Variants in NRTN observed in about 807,000 individuals in gnomAD.
The protein encoded by NRTN is prepro-neurturin.
Under a neutral mutation model 7.5 loss-of-function variants are expected in NRTN, and 3 were observed. The observed-to-expected ratio is 0.40, with a 90% CI of 0.18 to 1.03. NRTN has a LOEUF of 1.03. Among genes scored for constraint, NRTN ranks in the 50% least tolerant of loss-of-function variants. The pLI, the probability that NRTN is intolerant of heterozygous loss-of-function variation, is 0.34. For missense variants in NRTN, 310 were observed against 307.0 expected, an observed-to-expected ratio of 1.01 and a Z score of -0.07; for synonymous variants, 157 against 146.6, an observed-to-expected ratio of 1.07 and a Z score of -0.51.
At chr19:5,814,008 A>C (rs1188954877) in intron 1 of NRTN, among the ~76,000 whole-genome samples, 1 of 152,106 alleles carries the variant, frequency 6.6e-6, no homozygotes, top group Non-Finnish European at 1.5e-5. Flanking sequence ...ACTCCGTCTC[A>C]AAAAATATAT....
At chr19:5,821,284 C>G (rs187149607) in intron 1 of NRTN, among the ~76,000 whole-genome samples, 1 of 151,044 alleles carries the variant, frequency 6.6e-6, no homozygotes, top group Admixed American at 6.6e-5. Context: ...CTGGGCCACC[C>G]AGTGCCTAGC....
intron 2 of NRTN, among the ~76,000 whole-genome samples, chr19:5,826,492 C>A (rs370784002): frequency 6.6e-6 from 1 of 152,182 alleles, no homozygotes; most frequent in African/African-American, 2.4e-5. Flanking sequence ...GTTTCTGAGA[C>A]CCCCTGTGGG....
intron 1 of NRTN, among the ~76,000 whole-genome samples, chr19:5,815,990 C>T (rs1040325049): frequency 2.0e-5 from 3 of 152,148 alleles, no homozygotes; most frequent in African/African-American, 7.2e-5. Flanking sequence ...AGTGATCCAC[C>T]CGCCTTGGCC....
chr19:5,825,156 G>A (rs924423162), intron 2 of NRTN, among the ~76,000 whole-genome samples: 14 of 152,202 alleles, frequency 9.2e-5, no homozygotes, highest in Admixed American at 4.6e-4. Context: ...GAGGAGAGAC[G>A]GGGCTGGGGG....
chr19:5,826,083 C>T (rs542775147), intron 2 of NRTN, among the ~76,000 whole-genome samples: 275 of 151,694 alleles, frequency 1.8e-3, no homozygotes, highest in African/African-American at 6.3e-3. Flanking sequence ...TGCAGTGAGC[C>T]GAGATCGCGC....
chr19:5,816,709 G>T (rs2057006205), intron 1 of NRTN, among the ~76,000 whole-genome samples: 1 of 152,084 alleles, frequency 6.6e-6, no homozygotes. Context: ...CTGAGACAGG[G>T]TCTCCCTATA....
intron 2 of NRTN, among the ~76,000 whole-genome samples, chr19:5,827,398 G>GT (rs2057050501): frequency 6.6e-6 from 1 of 152,122 alleles, no homozygotes; most frequent in African/African-American, 2.4e-5. Context: ...CCCAGAGGAG[G>GT]TGAGTTAGAG....
At chr19:5,812,538 C>T (rs1198206315) in intron 1 of NRTN, among the ~76,000 whole-genome samples, 1 of 152,262 alleles carries the variant, frequency 6.6e-6, no homozygotes, top group African/African-American at 2.4e-5. Context: ...TCGGAACCAG[C>T]TGTGCTTGCC....
intron 1 of NRTN, among the ~76,000 whole-genome samples, chr19:5,809,482 G>GT (rs374788819): frequency 2.3e-4 from 34 of 149,078 alleles, no homozygotes; most frequent in Admixed American, 4.7e-4. Flanking sequence ...CCCCATCCTG[G>GT]TTTTTTTTTT....
intron 1 of NRTN, among the ~76,000 whole-genome samples, chr19:5,815,369 C>T (rs2057001853): frequency 2.0e-5 from 3 of 150,646 alleles, no homozygotes; most frequent in East Asian, 1.9e-4. Context: ...GTGCAAACAC[C>T]AGCACGTGGA....
Position 5,806,057 on chromosome 19 carries a change from G to A in NRTN, c.-399+606G>A, listed in dbSNP as rs1283447731. Among the ~76,000 whole-genome samples, 1 of 152,178 alleles carries A rather than the reference G, an allele frequency of 6.6e-6. No homozygotes were observed. Among genetic ancestry groups the A allele is most frequent in the Admixed American group, 6.5e-5 (1 of 15,276 alleles). On this transcript the variant is annotated intron_variant, in intron 1 of 2. Transcript: ENST00000303212. This position sits in a 1 kb window ranked among gnomAD's most constrained non-coding sequence, Gnocchi z 5.4. ...GAAACCCTTTGGTGTTGGGGGTGGG[G>A]GTCCCTTAAGGGCAAAGCCTGGATG... is the stretch of plus-strand genomic sequence containing the variant.
At chr19:5,818,356 A>T (rs112880059) in intron 1 of NRTN, among the ~76,000 whole-genome samples, 2 of 149,848 alleles carry the variant, frequency 1.3e-5, no homozygotes, top group African/African-American at 5.0e-5. Context: ...TGAGTGTGTG[A>T]GTGTGTGTAT....
At chr19:5,810,842 T>C (rs1011632378) in intron 1 of NRTN, among the ~76,000 whole-genome samples, 1 of 150,308 alleles carries the variant, frequency 6.7e-6, no homozygotes, top group African/African-American at 2.5e-5. Context: ...GACAGGAGAA[T>C]CGCTTGAACC....
chr19:5,827,752 G>C lies in NRTN; in HGVS notation c.173G>C (p.Arg58Pro). The C allele has an allele frequency of 8.6e-7, 1 of 1,162,242 alleles. No individual in the cohort carries two copies. The highest frequency in any genetic ancestry group is 1.1e-6 in the Non-Finnish European group (1 of 941,540). 72.0% of individuals were successfully genotyped at this position (1,162,242 alleles called of 1,614,324 possible). ...CTTTCTCTTCCTCCCCTCGCAGACCGTGCACTCCTGCAGGGGGCCCCGGAT... is the reference window on the plus strand; with the variant it reads ...CTTTCTCTTCCTCCCCTCGCAGACCCTGCACTCCTGCAGGGGGCCCCGGAT... ...DARIARLAQY[R>P]ALLQGAPDAM... Residue 58 changes from arginine to proline, a missense_variant, in exon 3 of 3, where the codon CGT becomes CCT. Arg to Pro is a moderately radical substitution (Grantham distance 103, BLOSUM62 -2). Transcript: ENST00000303212.
In NRTN at chr19:5,817,654, C is replaced by T. The variant is rs960121524; in HGVS notation, c.-398-6114C>T. On this transcript the variant is annotated intron_variant, in intron 1 of 2. Transcript: ENST00000303212. ...GAAGGCAGGCAGGCAGGCAGGCAGG[C>T]GTGTGAGTGTCATCATGGTCAAATG... Among the ~76,000 whole-genome samples the T allele has an allele frequency of 3.4e-5, 5 of 148,566 alleles. No individual in the cohort carries two copies. In the Admixed American group the frequency reaches 3.4e-4, roughly 10 times the overall value.
intron 1 of NRTN, among the ~76,000 whole-genome samples, chr19:5,812,536 A>C (rs1284154414): frequency 6.6e-6 from 1 of 152,334 alleles, no homozygotes; most frequent in African/African-American, 2.4e-5. Context: ...TATCGGAACC[A>C]GCTGTGCTTG....
intron 1 of NRTN, among the ~76,000 whole-genome samples, chr19:5,817,507 GGGA>G (rs1568397790): frequency 8.7e-5 from 11 of 126,360 alleles, no homozygotes; most frequent in African/African-American, 4.3e-4. Context: ...AAGGAAGGAA[GGGA>G]GGGAGGGAGA....
At position 5,827,736 on chromosome 19, in the gene NRTN, C is replaced by A. The variant is rs1181117806; in HGVS notation, c.170-13C>A. On this transcript the variant is annotated splice_polypyrimidine_tract_variant and intron_variant, in intron 2 of 2. Transcript: ENST00000303212. ...CCACTGACCCCCCCTCCTTTCTCTT[C>A]CTCCCCTCGCAGACCGTGCACTCCT... 3 of 1,038,682 alleles carry A rather than the reference C, an allele frequency of 2.9e-6. No homozygotes were observed. Among genetic ancestry groups the A allele is most frequent in the South Asian group, 8.6e-5 (2 of 23,290 alleles). 64.3% of individuals were successfully genotyped at this position (1,038,682 alleles called of 1,614,324 possible).
chr19:5,812,814 C>T lies in NRTN; in HGVS notation c.-399+7363C>T, dbSNP rs189688186. On this transcript the variant is annotated intron_variant, in intron 1 of 2. Transcript: ENST00000303212. ...GGAACTCCTAGGGGCGATCTAGGAA[C>T]AGGAGACCAGGAGGCTGCCCTAGGA... 9.7e-3 allele frequency among the ~76,000 whole-genome samples: 1,475 copies of T among 152,346 alleles called. 24 individuals carry two copies. The highest frequency in any genetic ancestry group is 0.034 in the African/African-American group (1,413 of 41,576).
Sources: allele counts gnomAD v4.1 joint callset (sites outside exome capture counted in the v4.1 genomes callset), GRCh38; gene constraint gnomAD v4.1.1; non-coding constraint Gnocchi (gnomAD v3.1); transcripts MANE v1.5; gene names NCBI Gene and HGNC (gene_info 2026-07-23, HGNC 2026-07-21).